Variants in SNX31 observed in about 807,000 individuals in gnomAD.
SNX31 encodes sorting nexin-31.
A neutral mutation model predicts 65.4 loss-of-function variants in SNX31; 58 were observed. The observed-to-expected ratio is 0.89, with a 90% CI of 0.72 to 1.10. SNX31 has a LOEUF of 1.10. Ranked by LOEUF, SNX31 falls within the 50% of genes least tolerant of loss-of-function variation. The pLI, the probability that SNX31 is intolerant of heterozygous loss-of-function variation, is 0.00. For synonymous variants in SNX31, 181 were observed against 190.1 expected, an observed-to-expected ratio of 0.95 and a Z score of 0.39; for missense variants, 523 against 529.7, an observed-to-expected ratio of 0.99 and a Z score of 0.12.
intron 10 of SNX31, among the ~76,000 whole-genome samples, chr8:100,595,592 A>G (rs1159904830): frequency 6.6e-6 from 1 of 152,200 alleles, no homozygotes; most frequent in Non-Finnish European, 1.5e-5. Flanking sequence ...TTAAATGTGT[A>G]GGGTCAGAGA....
upstream of SNX31, chr8:100,649,782 A>C: frequency 2.5e-6 from 1 of 404,006 alleles, no homozygotes; most frequent in Non-Finnish European, 4.4e-6. Flanking sequence ...GGCCACCCCC[A>C]CCCCGGACAT....
intron 4 of SNX31, among the ~76,000 whole-genome samples, chr8:100,620,156 G>A (rs1004129602): frequency 6.6e-6 from 1 of 152,160 alleles, no homozygotes; most frequent in Non-Finnish European, 1.5e-5. Context: ...CACCTTCCAG[G>A]TGTCAGCATG....
intron 1 of SNX31, among the ~76,000 whole-genome samples, chr8:100,654,836 G>A (rs1056981037): frequency 3.9e-5 from 6 of 152,130 alleles, no homozygotes; most frequent in Non-Finnish European, 7.4e-5. Context: ...AACATGGTGA[G>A]ATACTGTCTC....
At chr8:100,628,578 T>C (rs1345432228) in intron 4 of SNX31, among the ~76,000 whole-genome samples, 1 of 99,244 alleles carries the variant, frequency 1.0e-5, no homozygotes, top group Non-Finnish European at 2.0e-5. Context: ...CATCACACAC[T>C]GGGGACTGTT....
chr8:100,634,890 T>C (rs2131209267), intron 3 of SNX31, among the ~76,000 whole-genome samples: 2 of 151,322 alleles, frequency 1.3e-5, no homozygotes, highest in East Asian at 3.9e-4. Flanking sequence ...ACCCCACCTC[T>C]GTAAAAAAAA....
At chr8:100,621,284 C>G (rs890014732) in intron 4 of SNX31, among the ~76,000 whole-genome samples, 1 of 152,158 alleles carries the variant, frequency 6.6e-6, no homozygotes, top group Non-Finnish European at 1.5e-5. Flanking sequence ...AAGCCTGGCA[C>G]CCCAGTGTGA....
upstream of SNX31, among the ~76,000 whole-genome samples, chr8:100,651,443 G>C (rs1000326217): frequency 2.0e-4 from 31 of 151,838 alleles, no homozygotes; most frequent in Non-Finnish European, 3.8e-4. Flanking sequence ...GAATGGCCTG[G>C]ACCCTGGTTT....
intron 12 of SNX31, among the ~76,000 whole-genome samples, chr8:100,581,239 C>T (rs1229810601): frequency 4.6e-5 from 7 of 151,184 alleles, no homozygotes; most frequent in Non-Finnish European, 7.4e-5. Flanking sequence ...GTTGAGGCTG[C>T]AGTGAGACAT....
chr8:100,584,226 G>T (rs568681635), intron 11 of SNX31, 38 bp from the exon 12 acceptor site: 3 of 1,534,814 alleles, frequency 2.0e-6, no homozygotes, highest in South Asian at 2.4e-5. Context: ...TGTAACCGAA[G>T]AAATCTTCAC....
intron 4 of SNX31, among the ~76,000 whole-genome samples, chr8:100,624,274 T>C (rs189407934): frequency 1.1e-4 from 16 of 152,280 alleles, no homozygotes; most frequent in African/African-American, 3.6e-4. Flanking sequence ...AGTGAGATCC[T>C]GTATCTAGAA....
intron 7 of SNX31, 115 bp downstream of exon 7, chr8:100,611,885 G>A: frequency 1.3e-6 from 1 of 785,598 alleles, no homozygotes; most frequent in East Asian, 2.5e-5. Context: ...CCTTCTCTAA[G>A]TTCTTGGTCT....
In SNX31 at chr8:100,596,849, C is replaced by T. The variant is rs1815140419; in HGVS notation, c.775-7G>A. The T allele has an allele frequency of 6.2e-7, 1 of 1,613,048 alleles. No individual in the cohort carries two copies. The highest frequency in any genetic ancestry group is 1.7e-5 in the Admixed American group (1 of 59,998). On this transcript the variant is annotated splice_polypyrimidine_tract_variant and splice_region_variant and intron_variant, in intron 9 of 13. Transcript: ENST00000311812. ...CCCGGGCCAGCTCCAAAAACTGCTC[C>T]AAAGAGGGTGATGTGGGGGGAGGGG...
In SNX31 at chr8:100,641,593, TATAC is replaced by T. The variant is rs1421728839; in HGVS notation, c.142-5586_142-5583del. On this transcript the variant is annotated intron_variant, in intron 2 of 13. Transcript: ENST00000311812. ...ATATATATATATATATATATATATA[TATAC>T]ACATACACACACACACGCACACACG... Among the ~76,000 whole-genome samples the T allele has an allele frequency of 3.4e-3, 75 of 22,118 alleles. 2 individuals carry two copies. The highest frequency in any genetic ancestry group is 0.023 in the African/African-American group (71 of 3,044). 14.5% of individuals were successfully genotyped at this position (22,118 alleles called of 152,430 possible).
intron 1 of SNX31, among the ~76,000 whole-genome samples, chr8:100,654,960 C>T (rs1820033932): frequency 6.6e-6 from 1 of 152,196 alleles, no homozygotes; most frequent in Non-Finnish European, 1.5e-5. Context: ...TTGCAGTAAA[C>T]TGAGATTGTG....
Position 100,609,443 on chromosome 8 carries a change from G to C in SNX31, c.612-880C>G, listed in dbSNP as rs567850943. The stretch of plus-strand genomic sequence containing the variant: ...CCCCAAGGCCAGGGGCCTATCCAGA[G>C]TTGCCCCTCTGAATCTTGACAGAGT... On this transcript the variant is annotated intron_variant, in intron 7 of 13. Transcript: ENST00000311812. The surrounding 1 kb of genome is among the most constrained non-coding windows in gnomAD (Gnocchi z 4.9). Among the ~76,000 whole-genome samples, 1 of 152,308 alleles carries C rather than the reference G, an allele frequency of 6.6e-6. No individual in the cohort carries two copies. The highest frequency in any genetic ancestry group is 2.1e-4 in the South Asian group (1 of 4,824).
rs1395579262 is a variant in SNX31 at position 100,649,340 on chromosome 8, G to A, written c.75C>T (p.Ser25=). Residue 25 remains serine, a synonymous_variant, in exon 2 of 14, where the codon TCC becomes TCT. Transcript: ENST00000311812. The stretch of plus-strand genomic sequence containing the variant: ...AGAAGAGGAACCCGTCCAGGTGCAC[G>A]GAGTACAGCTGCAAACACACAGACA... ...DALGGRYVLY[S]VHLDGFLFCR... The A allele has an allele frequency of 1.9e-6, 3 of 1,613,844 alleles. No individual in the cohort carries two copies. Among genetic ancestry groups the A allele is most frequent in the African/African-American group, 1.3e-5 (1 of 75,040 alleles).
At position 100,604,786 on chromosome 8, in the gene SNX31, G is replaced by T. The variant is rs936830475; in HGVS notation, c.681+3708C>A. On this transcript the variant is annotated intron_variant, in intron 8 of 13. Coordinates refer to ENST00000311812, the MANE Select transcript of SNX31 (RefSeq NM_152628.4). This position sits in a 1 kb window ranked among gnomAD's most constrained non-coding sequence, Gnocchi z 4.3. ...TCATTGGATATCACTGGGCACATCT[G>T]CTTTAGAAAATCAAAGCTGTGCCCC... Among the ~76,000 whole-genome samples the T allele has an allele frequency of 6.6e-6, 1 of 152,218 alleles. No homozygotes were observed. Among genetic ancestry groups the T allele is most frequent in the Non-Finnish European group, 1.5e-5 (1 of 68,036 alleles).
intron 2 of SNX31, among the ~76,000 whole-genome samples, chr8:100,636,493 T>C (rs1818784574): frequency 2.0e-5 from 3 of 152,312 alleles, no homozygotes; most frequent in South Asian, 4.1e-4. Flanking sequence ...CTAGTTTGGA[T>C]TGAGATGTGT....
intron 1 of SNX31, among the ~76,000 whole-genome samples, chr8:100,661,322 A>G (rs187164357): frequency 6.6e-6 from 1 of 152,054 alleles, no homozygotes; most frequent in Admixed American, 6.6e-5. Context: ...GGTAGATATT[A>G]TAAGTTCCAT....
Sources: gnomAD v4.1 joint callset for allele counts (sites outside exome capture counted in the v4.1 genomes callset) on GRCh38, gnomAD v4.1.1 for gene constraint, Gnocchi (gnomAD v3.1) non-coding constraint, MANE v1.5 for transcripts, NCBI Gene and HGNC (gene_info 2026-07-23, HGNC 2026-07-21) for gene names.